Variants in SPMIP3 observed in about 807,000 individuals in gnomAD.
SPMIP3 encodes the protein protein SPMIP3.
chr1:244,378,432 T>C, the SPMIP3 span: 3 of 1,573,422 alleles, frequency 1.9e-6, 1 homozygote, highest in South Asian at 2.4e-5. Flanking sequence ...TTTTTTCTAC[T>C]GGCTTTTCAG....
At chr1:244,387,991 G>A in the SPMIP3 span, among the ~76,000 whole-genome samples, 1,824 of 151,326 alleles carry the variant, frequency 0.012, 42 homozygotes, top group African/African-American at 0.042. Flanking sequence ...GCAATGGTGC[G>A]ATCTTGGCTC....
chr1:244,387,287 G>A, the SPMIP3 span, among the ~76,000 whole-genome samples: 3 of 149,782 alleles, frequency 2.0e-5, no homozygotes, highest in Non-Finnish European at 4.4e-5. Flanking sequence ...GACAGAGTAC[G>A]ACTCCGTCTG....
the SPMIP3 span, among the ~76,000 whole-genome samples, chr1:244,369,914 G>A: frequency 6.6e-6 from 1 of 152,108 alleles, no homozygotes; most frequent in Non-Finnish European, 1.5e-5. Flanking sequence ...CAGAGAAAGG[G>A]GAAGATGGCG....
chr1:244,379,923 G>A, the SPMIP3 span, among the ~76,000 whole-genome samples: 3 of 151,232 alleles, frequency 2.0e-5, no homozygotes, highest in South Asian at 2.1e-4. Context: ...AGCCGAGATC[G>A]TGCGACTGCA....
chr1:244,387,477 G>T, the SPMIP3 span, among the ~76,000 whole-genome samples: 1 of 145,440 alleles, frequency 6.9e-6, no homozygotes, highest in South Asian at 2.2e-4. Context: ...ATGAATTTAG[G>T]AACGGCAGTA....
the SPMIP3 span, among the ~76,000 whole-genome samples, chr1:244,388,464 T>C: frequency 6.6e-6 from 1 of 152,146 alleles, no homozygotes; most frequent in African/African-American, 2.4e-5. Context: ...ACGTATCTAT[T>C]CCTAAATAAC....
the SPMIP3 span, among the ~76,000 whole-genome samples, chr1:244,365,349 G>A: frequency 2.6e-5 from 4 of 152,132 alleles, no homozygotes; most frequent in Non-Finnish European, 5.9e-5. Flanking sequence ...ACTGAACCAT[G>A]GGGTGGGGTT....
chr1:244,384,082 T>TC, the SPMIP3 span, among the ~76,000 whole-genome samples: 1 of 151,950 alleles, frequency 6.6e-6, no homozygotes, highest in African/African-American at 2.4e-5. Flanking sequence ...AAATAAAAAA[T>TC]TAAAAAAAAT....
At chr1:244,366,345 T>G in the SPMIP3 span, among the ~76,000 whole-genome samples, 3 of 152,126 alleles carry the variant, frequency 2.0e-5, no homozygotes, top group Non-Finnish European at 4.4e-5. Context: ...TTTTAAATTT[T>G]TTGTAGAGAC....
At chr1:244,364,921 A>G in the SPMIP3 span, among the ~76,000 whole-genome samples, 1 of 152,210 alleles carries the variant, frequency 6.6e-6, no homozygotes, top group African/African-American at 2.4e-5. Flanking sequence ...GTGCAAACCT[A>G]CCGGCAAAAG....
chr1:244,366,907 C>T, the SPMIP3 span, among the ~76,000 whole-genome samples: 1 of 151,910 alleles, frequency 6.6e-6, no homozygotes, highest in Non-Finnish European at 1.5e-5. Flanking sequence ...AAAAACTAAA[C>T]AGATAGAATA....
chr1:244,354,938 G>A, the SPMIP3 span, among the ~76,000 whole-genome samples: 2 of 152,212 alleles, frequency 1.3e-5, no homozygotes, highest in Non-Finnish European at 2.9e-5. Context: ...ATGCACTTGT[G>A]TGGCTCTATG....
the SPMIP3 span, among the ~76,000 whole-genome samples, chr1:244,362,229 A>T: frequency 2.6e-5 from 4 of 151,364 alleles, no homozygotes; most frequent in African/African-American, 9.7e-5. Flanking sequence ...GACATCACAC[A>T]CTCTTTTTTT....
the SPMIP3 span, among the ~76,000 whole-genome samples, chr1:244,356,647 C>T: frequency 6.6e-6 from 1 of 152,058 alleles, no homozygotes; most frequent in Non-Finnish European, 1.5e-5. Flanking sequence ...CTGAATCCTC[C>T]TAGGAGCCAT....
the SPMIP3 span, among the ~76,000 whole-genome samples, chr1:244,362,784 T>C: frequency 3.3e-5 from 5 of 152,018 alleles, no homozygotes; most frequent in Middle Eastern, 0.01. Context: ...GTAAAAAGTA[T>C]GCCTTTGTCC....
chr1:244,389,525 G>C, the SPMIP3 span: 1 of 153,526 alleles, frequency 6.5e-6, no homozygotes, highest in African/African-American at 2.4e-5. Context: ...TGATAAAAAG[G>C]ATTAACTGAG....
chr1:244,361,061 C>T, the SPMIP3 span, among the ~76,000 whole-genome samples: 1 of 150,540 alleles, frequency 6.6e-6, no homozygotes, highest in South Asian at 2.1e-4. Context: ...CTTGCGGAGA[C>T]GGAGAGTAGA....
the SPMIP3 span, among the ~76,000 whole-genome samples, chr1:244,364,167 C>G: frequency 6.6e-6 from 1 of 151,948 alleles, no homozygotes; most frequent in African/African-American, 2.4e-5. Flanking sequence ...CGCAGTGGCA[C>G]GATCCTGGCT....
the SPMIP3 span, among the ~76,000 whole-genome samples, chr1:244,356,627 A>G: frequency 6.6e-6 from 1 of 152,196 alleles, no homozygotes; most frequent in Non-Finnish European, 1.5e-5. Flanking sequence ...ACATTAGTTA[A>G]TGGAGGTGGC....
Sources: gnomAD v4.1 joint callset for allele counts (sites outside exome capture counted in the v4.1 genomes callset) on GRCh38, gnomAD v4.1.1 for gene constraint, MANE v1.5 for transcripts, NCBI Gene and HGNC (gene_info 2026-07-23, HGNC 2026-07-21) for gene names.